SVIL: variants seen among roughly 807,000 people sequenced by gnomAD.
SVIL encodes archvillin.
In SVIL, 101 loss-of-function variants were observed where a neutral mutation model predicts 240.4. The observed-to-expected ratio is 0.42, with a 90% CI of 0.36 to 0.50. The LOEUF is 0.50. Ranked by LOEUF, SVIL falls within the 20% of genes least tolerant of loss-of-function variation. The pLI is 0.01. For synonymous variants in SVIL, 999 were observed against 1,100.0 expected (o/e 0.91, Z 1.82); for missense variants, 2,512 against 2,818.7 (o/e 0.89, Z 2.46).
At chr10:29,487,060 A>G in intron 24 of SVIL, 103 bp downstream of exon 24, 1 of 1,426,808 alleles carries the variant, frequency 7.0e-7, no homozygotes, top group Non-Finnish European at 9.4e-7. Flanking sequence ...CTTGAATGCA[A>G]CACCTGGCTT....
chr10:29,522,262 C>T, intron 16 of SVIL, 148 bp downstream of exon 16: 1 of 823,190 alleles, frequency 1.2e-6, no homozygotes, highest in Non-Finnish European at 1.9e-6. Flanking sequence ...ACCTCAGCTT[C>T]CTAGAATTAC....
rs199516107 is a variant in SVIL at position 29,467,913 on chromosome 10, G to A, written c.5844-38C>T. On this transcript the variant is annotated intron_variant, in intron 32 of 37. Transcript: ENST00000355867. ...AACTCCAAGAGTTCTTTATAAGTCT[G>A]GAGAGTGCTGGTGACCCAAAATTAT... The A allele has an allele frequency of 5.0e-3, 8,091 of 1,608,016 alleles. 48 individuals carry two copies. The highest frequency in any genetic ancestry group is 0.029 in the Middle Eastern group (177 of 6,000).
intron 1 of SVIL, among the ~76,000 whole-genome samples, chr10:29,597,785 C>G (rs1178293363): frequency 6.6e-6 from 1 of 151,856 alleles, no homozygotes; most frequent in East Asian, 1.9e-4. Flanking sequence ...TGAATTATTT[C>G]TTTTTAGGAG....
intron 1 of SVIL, among the ~76,000 whole-genome samples, chr10:29,631,286 C>T (rs957401783): frequency 6.6e-6 from 1 of 152,236 alleles, no homozygotes; most frequent in Non-Finnish European, 1.5e-5. Context: ...GTGGCTAGAC[C>T]AGACGGAGGA....
At chr10:29,567,358 T>G (rs1041817547) in intron 2 of SVIL, among the ~76,000 whole-genome samples, 1 of 152,234 alleles carries the variant, frequency 6.6e-6, no homozygotes, top group African/African-American at 2.4e-5. Context: ...CACAATCTGT[T>G]CATTCCATTA....
intron 3 of SVIL, among the ~76,000 whole-genome samples, chr10:29,644,229 C>A (rs1958583643): frequency 6.6e-6 from 1 of 152,148 alleles, no homozygotes; most frequent in Admixed American, 6.5e-5. Context: ...GTTGACATCA[C>A]AAAGCTCAGC....
At position 29,533,313 on chromosome 10, in the gene SVIL, C is replaced by T. The variant is rs1249626647; in HGVS notation, c.1054G>A (p.Val352Ile). The T allele has an allele frequency of 1.2e-6, 2 of 1,613,942 alleles. No individual in the cohort carries two copies. The highest frequency in any genetic ancestry group is 1.3e-5 in the African/African-American group (1 of 74,962). The change falls in exon 8 of 38, where the codon GTC (valine) becomes ATC (isoleucine). Residue 352 changes from valine (V) to isoleucine (I), a missense_variant. Transcript: ENST00000355867. ...FQSEHSAFDR[V>I]PSKAAGSTRQ... ...GTAGAGCCTGCTGCCTTGCTGGGGACCCTATCAAAGGCTGAGTGCTCAGAC... is the reference window on the plus strand; with the variant it reads ...GTAGAGCCTGCTGCCTTGCTGGGGATCCTATCAAAGGCTGAGTGCTCAGAC...
intron 2 of SVIL, among the ~76,000 whole-genome samples, chr10:29,685,990 C>A (rs1034312932): frequency 6.6e-6 from 1 of 152,226 alleles, no homozygotes; most frequent in African/African-American, 2.4e-5. Flanking sequence ...CCTCCTTATA[C>A]TGAATTCAAA....
intron 3 of SVIL, among the ~76,000 whole-genome samples, chr10:29,562,923 A>G (rs1411424975): frequency 1.3e-5 from 2 of 151,950 alleles, no homozygotes; most frequent in Non-Finnish European, 2.9e-5. Context: ...GGGCAGGGCG[A>G]TTTTATGTTC....
Position 29,571,764 on chromosome 10 carries a change from G to A in SVIL, c.-200-2452C>T, listed in dbSNP as rs1382974606. On this transcript the variant is annotated intron_variant, in intron 1 of 37. Coordinates refer to ENST00000355867, the MANE Select transcript of SVIL (RefSeq NM_021738.3). ...AATTCGCAATAATTACAGACTGATTGTACAGAAAAACGGAACATTCAAGAG... is the reference window on the plus strand; with the variant it reads ...AATTCGCAATAATTACAGACTGATTATACAGAAAAACGGAACATTCAAGAG... Among the ~76,000 whole-genome samples the A allele has an allele frequency of 2.0e-5, 3 of 152,172 alleles. No individual in the cohort carries two copies. In the East Asian group the frequency reaches 5.8e-4, roughly 29 times the overall value.
intron 3 of SVIL, chr10:29,647,145 C>G (rs1958685046): frequency 6.6e-6 from 1 of 152,170 alleles, no homozygotes; most frequent in African/African-American, 2.4e-5. Context: ...CGCTCTTAAC[C>G]ATATCCCAGG....
intron 1 of SVIL, among the ~76,000 whole-genome samples, chr10:29,583,825 C>T (rs1354950563): frequency 6.6e-6 from 1 of 152,206 alleles, no homozygotes; most frequent in Admixed American, 6.5e-5. Context: ...AAGGCACATT[C>T]CACACTGTCT....
At chr10:29,545,195 G>C in intron 6 of SVIL, 1 of 469,304 alleles carries the variant, frequency 2.1e-6, no homozygotes. Flanking sequence ...CTCATCAGGA[G>C]ATGAGCAAAT....
chr10:29,520,490 C>T (rs1950490782), intron 16 of SVIL, among the ~76,000 whole-genome samples: 1 of 152,156 alleles, frequency 6.6e-6, no homozygotes, highest in Non-Finnish European at 1.5e-5. Context: ...CCAGGTCTAA[C>T]TTATCATGAA....
chr10:29,633,294 A>G (rs1177840471), intron 1 of SVIL, among the ~76,000 whole-genome samples: 1 of 151,574 alleles, frequency 6.6e-6, no homozygotes, highest in Non-Finnish European at 1.5e-5. Context: ...GACAGCACAC[A>G]TCTGCCTGGC....
At chr10:29,491,811 A>C (rs963708699) in intron 21 of SVIL, among the ~76,000 whole-genome samples, 1 of 152,232 alleles carries the variant, frequency 6.6e-6, no homozygotes, top group Non-Finnish European at 1.5e-5. Flanking sequence ...ATATACAACT[A>C]CTTAAACAGT....
intron 30 of SVIL, 47 bp from the exon 31 acceptor site, chr10:29,471,290 A>C (rs1269442211): frequency 7.0e-7 from 1 of 1,437,712 alleles, no homozygotes. Flanking sequence ...CGGGGCTTTC[A>C]AAGTCCTAAA....
At chr10:29,480,004 T>C (rs1409891601) in intron 29 of SVIL, among the ~76,000 whole-genome samples, 13 of 152,172 alleles carry the variant, frequency 8.5e-5, no homozygotes, top group African/African-American at 3.1e-4. Context: ...GAGGAGAGTT[T>C]AGACTCTGCA....
chr10:29,546,154 T>G (rs761713042), intron 6 of SVIL, among the ~76,000 whole-genome samples: 1 of 152,228 alleles, frequency 6.6e-6, no homozygotes, highest in Admixed American at 6.5e-5. Flanking sequence ...TTTAAAAATC[T>G]GAATAATCCA....
Sources: gnomAD v4.1 joint callset for allele counts (sites outside exome capture counted in the v4.1 genomes callset) on GRCh38, gnomAD v4.1.1 for gene constraint, MANE v1.5 for transcripts, NCBI Gene and HGNC (gene_info 2026-07-23, HGNC 2026-07-21) for gene names.